The following AKAP10 variants were observed in gnomAD, a reference collection of about 807,000 sequenced individuals.
AKAP10 encodes A-kinase anchor protein 10, mitochondrial.
AKAP10 carries 24 observed loss-of-function variants against 80.8 expected under a neutral mutation model. The observed-to-expected ratio is 0.30, with a 90% CI of 0.22 to 0.42. The LOEUF is 0.42. AKAP10 is among the 10% of genes least tolerant of loss of function. The probability of loss-of-function intolerance (pLI) is 1.00; values close to 1 mark genes in which losing one functional copy is unlikely to be tolerated. For missense variants in AKAP10, 661 were observed against 794.9 expected, an observed-to-expected ratio of 0.83 and a Z score of 2.03; for synonymous variants, 291 against 277.7, an observed-to-expected ratio of 1.05 and a Z score of -0.48.
At chr17:19,940,723 AT>A (rs1360729624) in intron 7 of AKAP10, among the ~76,000 whole-genome samples, 163 bp downstream of exon 7, 1 of 152,192 alleles carries the variant, frequency 6.6e-6, no homozygotes, top group Non-Finnish European at 1.5e-5. Flanking sequence ...TCTCTCTAAT[AT>A]ATTATTAAAT....
intron 10 of AKAP10, among the ~76,000 whole-genome samples, chr17:19,925,951 T>G (rs2042871488): frequency 6.6e-6 from 1 of 152,222 alleles, no homozygotes; most frequent in Non-Finnish European, 1.5e-5. Context: ...CAGACGGATG[T>G]ATGTCTATCT....
chr17:19,907,796 AG>A (rs2042647006), intron 14 of AKAP10, among the ~76,000 whole-genome samples: 1 of 151,922 alleles, frequency 6.6e-6, no homozygotes, highest in African/African-American at 2.4e-5. Flanking sequence ...CTGTTTCTAT[AG>A]ATTGAGTTTT....
intron 10 of AKAP10, chr17:19,929,308 TA>T (rs1461384387): frequency 6.6e-6 from 1 of 152,194 alleles, no homozygotes; most frequent in Non-Finnish European, 1.5e-5. Flanking sequence ...TGTGACCATA[TA>T]AAAACCACTG....
At chr17:19,911,412 G>A (rs896045550) in intron 12 of AKAP10, among the ~76,000 whole-genome samples, 1 of 152,066 alleles carries the variant, frequency 6.6e-6, no homozygotes, top group Non-Finnish European at 1.5e-5. Flanking sequence ...ACCTAACTTT[G>A]AATCTTTTTC....
Position 19,958,082 on chromosome 17 carries a change from G to A in AKAP10, c.809C>T (p.Thr270Ile), listed in dbSNP as rs180935274. 1.9e-6 allele frequency: 3 copies of A among 1,614,188 alleles called. No homozygotes were observed. Among genetic ancestry groups the A allele is most frequent in the African/African-American group, 1.3e-5 (1 of 75,066 alleles). The change falls in exon 4 of 15, where the codon ACA becomes ATA. Residue 270 changes from threonine (T) to isoleucine (I), a missense_variant. Transcript: ENST00000225737. ...VSMETQESSS[T>I]LTVASRNSPA... ...ACTATTTCTACTGGCTACTGTAAGT[G>A]TAGAGGAAGATTCTTGGGTTTCCAT...
intron 12 of AKAP10, 51 bp from the exon 13 acceptor site, chr17:19,910,029 TA>T (rs772636519): frequency 6.3e-7 from 1 of 1,576,276 alleles, no homozygotes. Context: ...AATTTTACAT[TA>T]AAAATGCTCT....
At chr17:19,949,784 A>G (rs77554926) in intron 4 of AKAP10, among the ~76,000 whole-genome samples, 16 of 149,118 alleles carry the variant, frequency 1.1e-4, no homozygotes, top group African/African-American at 3.8e-4. Context: ...AAAAAGAGAA[A>G]AAAAAAAAAA....
chr17:19,958,296 A>T lies in AKAP10; in HGVS notation c.595T>A (p.Leu199Ile). 1 of 1,614,090 alleles carries T rather than the reference A, an allele frequency of 6.2e-7. No individual in the cohort carries two copies. Reference protein sequence around the residue: ...SKKHETTASFLTDSLDKRLED... With the variant: ...SKKHETTASFITDSLDKRLED... ...AATCTCTTATCAAGAGAATCAGTTA[A>T]AAAAGACGCTGTAGTTTCATGCTTT... The change falls in exon 4 of 15, where the codon TTA becomes ATA. Residue 199 changes from leucine to isoleucine, a missense_variant. Coordinates refer to ENST00000225737, the MANE Select transcript of AKAP10 (RefSeq NM_007202.4).
chr17:19,911,768 G>C (rs531531371), intron 12 of AKAP10, among the ~76,000 whole-genome samples: 2 of 146,592 alleles, frequency 1.4e-5, no homozygotes, highest in East Asian at 4.1e-4. Context: ...CTGGGAGGTG[G>C]AGGTTGTGGT....
intron 10 of AKAP10, among the ~76,000 whole-genome samples, chr17:19,924,827 C>G (rs193041833): frequency 3.3e-5 from 5 of 152,222 alleles, no homozygotes; most frequent in African/African-American, 1.2e-4. Flanking sequence ...GGACTCCTCC[C>G]ACCTCAGTCT....
chr17:19,963,408 T>A (rs1232211530), intron 2 of AKAP10, among the ~76,000 whole-genome samples: 1 of 152,018 alleles, frequency 6.6e-6, no homozygotes, highest in Non-Finnish European at 1.5e-5. Context: ...TATTTATAAT[T>A]CTCAAAATAC....
intron 10 of AKAP10, among the ~76,000 whole-genome samples, chr17:19,928,208 G>A (rs2042894816): frequency 6.6e-6 from 1 of 152,038 alleles, no homozygotes; most frequent in South Asian, 2.1e-4. Flanking sequence ...CTGGCTGACA[G>A]AGTGAGACTT....
intron 1 of AKAP10, among the ~76,000 whole-genome samples, chr17:19,974,152 C>T (rs1398493945): frequency 6.6e-6 from 1 of 152,076 alleles, no homozygotes; most frequent in Non-Finnish European, 1.5e-5. Context: ...AGATCCGCCA[C>T]TGCACTCCAG....
chr17:19,917,981 G>A (rs2042766427), intron 12 of AKAP10, among the ~76,000 whole-genome samples: 2 of 152,090 alleles, frequency 1.3e-5, no homozygotes, highest in Admixed American at 6.5e-5. Flanking sequence ...AGCACTTTGG[G>A]AGGCCGAGGT....
At chr17:19,920,887 C>CAAAAAAAAAAAAAAAAAAAAAAA (rs2042805303) in intron 11 of AKAP10, among the ~76,000 whole-genome samples, 9 of 66,866 alleles carry the variant, frequency 1.3e-4, no homozygotes, top group African/African-American at 4.4e-4. Flanking sequence ...AAAAAAAAAG[C>CAAAAAAAAAAAAAAAAAAAAAAA]AAAAAATACA....
At chr17:19,935,206 T>C (rs1221935504) in intron 9 of AKAP10, among the ~76,000 whole-genome samples, 1 of 152,164 alleles carries the variant, frequency 6.6e-6, no homozygotes, top group Non-Finnish European at 1.5e-5. Flanking sequence ...CGTAGGCCAC[T>C]ATTGCAATGG....
In AKAP10 at chr17:19,956,114, T is replaced by C. The variant is rs114786193; in HGVS notation, c.877+1900A>G. Among the ~76,000 whole-genome samples the C allele has an allele frequency of 5.3e-3, 809 of 152,198 alleles. 7 individuals carry two copies. The highest frequency in any genetic ancestry group is 0.018 in the African/African-American group (758 of 41,538). On this transcript the variant is annotated intron_variant, in intron 4 of 14. Coordinates refer to ENST00000225737, the MANE Select transcript of AKAP10 (RefSeq NM_007202.4). ...AATACTCCAGCACCATCTGGGACAA[T>C]ACCCCATAATCAAACACCATATTTC...
Position 19,946,245 on chromosome 17 carries a change from A to G in AKAP10, c.976+1162T>C, listed in dbSNP as rs1567765598. ...TTTTATATATATATATATTATATAT[A>G]TATATATATATATATATATATATAT... On this transcript the variant is annotated intron_variant, in intron 5 of 14. Transcript: ENST00000225737. Among the ~76,000 whole-genome samples the G allele has an allele frequency of 3.6e-4, 5 of 13,828 alleles. 1 individual carries two copies. The highest frequency in any genetic ancestry group is 2.4e-3 in the African/African-American group (5 of 2,126). 9.1% of individuals were successfully genotyped at this position (13,828 alleles called of 152,430 possible). A position where few individuals can be genotyped will look rare whatever the true frequency, so the allele number is the denominator to read the frequency against.
intron 7 of AKAP10, 120 bp from the exon 8 acceptor site, chr17:19,939,969 TC>T: frequency 8.1e-6 from 9 of 1,114,638 alleles, no homozygotes; most frequent in Admixed American, 3.1e-5. Flanking sequence ...AAGATCTACT[TC>T]TTCTGTTAAC....
Sources: gnomAD v4.1 joint callset for allele counts (sites outside exome capture counted in the v4.1 genomes callset) on GRCh38, gnomAD v4.1.1 for gene constraint, MANE v1.5 for transcripts, NCBI Gene and HGNC (gene_info 2026-07-23, HGNC 2026-07-21) for gene names.